NCKAP1L: variants seen among roughly 807,000 people sequenced by gnomAD.
NCKAP1L encodes nck-associated protein 1-like.
NCKAP1L carries 53 observed loss-of-function variants against 139.2 expected under a neutral mutation model. The observed-to-expected ratio is 0.38, with a 90% CI of 0.31 to 0.48. The LOEUF is 0.48. Among genes scored for constraint, NCKAP1L ranks in the 20% least tolerant of loss-of-function variants. The probability of loss-of-function intolerance (pLI) is 0.98; values close to 1 mark genes in which losing one functional copy is unlikely to be tolerated. For missense variants in NCKAP1L, 1,151 were observed against 1,381.9 expected, an observed-to-expected ratio of 0.83 and a Z score of 2.65; for synonymous variants, 468 against 499.7, an observed-to-expected ratio of 0.94 and a Z score of 0.85.
chr12:54,517,536 C>G lies in NCKAP1L; in HGVS notation c.1099C>G (p.Leu367Val), dbSNP rs1488869464. Residue 367 changes from leucine to valine, a missense_variant, in exon 12 of 31, where the codon CTT (leucine) becomes GTT (valine). Physicochemically the swap from Leu to Val is conservative, Grantham distance 32 (BLOSUM62 1). Coordinates refer to ENST00000293373, the MANE Select transcript of NCKAP1L (RefSeq NM_005337.5). ...ATAGTCTCTACCCCCTCCATAGGCT[C>G]TTTTTGCTTTCATGGCCCTGTCCTT... ...DEPGLLGPKA[L>V]FAFMALSFIR... 3 of 1,613,072 alleles carry G rather than the reference C, an allele frequency of 1.9e-6. No individual in the cohort carries two copies. The highest frequency in any genetic ancestry group is 2.5e-6 in the Non-Finnish European group (3 of 1,179,030).
chr12:54,536,321 C>A, intron 28 of NCKAP1L, 76 bp downstream of exon 28: 1 of 1,067,820 alleles, frequency 9.4e-7, no homozygotes, highest in Non-Finnish European at 1.4e-6. Context: ...GACAGAGATA[C>A]TGGAAAATAT....
In NCKAP1L at chr12:54,506,796, A is replaced by AAAAAAATATATAT; in HGVS notation, c.307-1056_307-1055insAAAAATATATATA. Among the ~76,000 whole-genome samples, 272 of 50,594 alleles carry AAAAAAATATATAT rather than the reference A, an allele frequency of 5.4e-3. 5 individuals carry two copies. The highest frequency in any genetic ancestry group is 7.1e-3 in the South Asian group (6 of 848). The allele number at this position is 50,594 out of a possible 152,430, so 33.2% of individuals were successfully genotyped here. A position where few individuals can be genotyped will look rare whatever the true frequency, so the allele number is the denominator to read the frequency against. ...TTTTGGCAACATATTAAAAAAAAAA[A>AAAAAAATATATAT]ATATATATATATATATATATATATA... On this transcript the variant is annotated intron_variant, in intron 3 of 30. Transcript: ENST00000293373.
intron 4 of NCKAP1L, 46 bp downstream of exon 4, chr12:54,507,955 GC>G: frequency 6.4e-7 from 1 of 1,573,296 alleles, no homozygotes; most frequent in Non-Finnish European, 8.8e-7. Flanking sequence ...CAAAGAAAAG[GC>G]CAGGTCTAGG....
chr12:54,499,392 T>C lies in NCKAP1L; in HGVS notation c.140T>C (p.Leu47Pro), dbSNP rs1316713443. 1 of 1,612,152 alleles carries C rather than the reference T, an allele frequency of 6.2e-7. No homozygotes were observed. ...SDPKSKPPFL[L>P]EKSMEPSLKY... ...CCCAAATCTAAGCCACCTTTCTTAC[T>C]GGAAAAGTCCATGGAACCATCTCTC... Residue 47 changes from leucine to proline, a missense_variant, in exon 2 of 31, where the codon CTG (leucine) becomes CCG (proline). Leu to Pro is a moderately conservative substitution (Grantham distance 98). Coordinates refer to ENST00000293373, the MANE Select transcript of NCKAP1L (RefSeq NM_005337.5).
Position 54,536,149 on chromosome 12 carries a change from G to T in NCKAP1L, c.2977G>T (p.Glu993Ter). Reference sequence around the variant, plus strand: ...ACCAGATACTTCATCTCCTGAGGAGGAATATAAGGTGGCCTGCCTGCTCTT... The same window carrying T: ...ACCAGATACTTCATCTCCTGAGGAGTAATATAAGGTGGCCTGCCTGCTCTT... ...LKADTSSPEE[E>*]YKVACLLLIF... Residue 993 changes from glutamate (E) to a stop codon, truncating the protein, a stop_gained, in exon 28 of 31, where the codon GAA (glutamate) becomes TAA (stop). Transcript: ENST00000293373. LOFTEE classifies it high-confidence loss of function. The T allele has an allele frequency of 6.2e-7, 1 of 1,613,020 alleles. No homozygotes were observed. The highest frequency in any genetic ancestry group is 8.5e-7 in the Non-Finnish European group (1 of 1,179,280).
rs1957189350 is a variant in NCKAP1L at position 54,545,254 on chromosome 12, T to C, written c.*2569T>C. 6.6e-6 allele frequency: 1 copy of C among 152,228 alleles called. No homozygotes were observed. Among genetic ancestry groups the C allele is most frequent in the Admixed American group, 6.5e-5 (1 of 15,280 alleles). 9.4% of individuals were successfully genotyped at this position (152,228 alleles called of 1,614,324 possible). The stretch of plus-strand genomic sequence containing the variant: ...TTTTCAAAGTGCTTTCACATCCTTA[T>C]AGCAATTCTGCAAGGTAGCCAGGGA... On this transcript the variant is annotated 3_prime_UTR_variant, in exon 31 of 31. Transcript: ENST00000293373.
At chr12:54,507,735 CTG>C (rs1956854180) in intron 3 of NCKAP1L, 116 bp from the exon 4 acceptor site, 1 of 893,578 alleles carries the variant, frequency 1.1e-6, no homozygotes, top group African/African-American at 1.7e-5. Flanking sequence ...TGACTTTTCT[CTG>C]TTACTTGGTG....
chr12:54,511,489 C>T (rs1366294522), intron 7 of NCKAP1L, among the ~76,000 whole-genome samples: 5 of 152,238 alleles, frequency 3.3e-5, no homozygotes, highest in Non-Finnish European at 7.3e-5. Flanking sequence ...TCACTGCAGC[C>T]TTGACCTCTT....
intron 20 of NCKAP1L, 123 bp from the exon 21 acceptor site, chr12:54,526,405 A>G: frequency 1.4e-6 from 1 of 726,588 alleles, no homozygotes; most frequent in Non-Finnish European, 2.3e-6. Flanking sequence ...TATGAGGTTT[A>G]CATGAGATAA....
chr12:54,532,146 T>C (rs1957077757), intron 25 of NCKAP1L, 24 bp from the exon 26 acceptor site: 4 of 1,567,110 alleles, frequency 2.6e-6, no homozygotes, highest in Admixed American at 1.7e-5. Context: ...TCTTGTGGAC[T>C]CATTTATCTT....
rs988065863 is a variant in NCKAP1L at position 54,548,169 on chromosome 12, A to G, written c.*5484A>G. 3.9e-5 allele frequency: 6 copies of G among 152,194 alleles called. No homozygotes were observed. Among genetic ancestry groups the G allele is most frequent in the Non-Finnish European group, 8.8e-5 (6 of 68,056 alleles). 9.4% of individuals were successfully genotyped at this position (152,194 alleles called of 1,614,324 possible). A position where few individuals can be genotyped will look rare whatever the true frequency, so the allele number is the denominator to read the frequency against. On this transcript the variant is annotated 3_prime_UTR_variant, in exon 31 of 31. Coordinates refer to ENST00000293373, the MANE Select transcript of NCKAP1L (RefSeq NM_005337.5). Reference sequence around the variant, plus strand: ...TCCACTCAGTATTTAGAACAGAGTAAATACCTTCTCCTGATCACTCCTCCT... The same window carrying G: ...TCCACTCAGTATTTAGAACAGAGTAGATACCTTCTCCTGATCACTCCTCCT...
chr12:54,511,804 T>C lies in NCKAP1L; in HGVS notation c.737T>C (p.Met246Thr), dbSNP rs777154700. ...AMINPANSDT[M>T]ACEYLSVEVM... ...TCATCTTTGCTTCTCTTCTCACAGA[T>C]GGCCTGTGAGTATCTGTCTGTGGAA... The change falls in exon 8 of 31, where the codon ATG becomes ACG. Residue 246 changes from methionine (M) to threonine (T), a missense_variant and splice_region_variant. Transcript: ENST00000293373. The C allele has an allele frequency of 6.2e-7, 1 of 1,614,060 alleles. No individual in the cohort carries two copies. The highest frequency in any genetic ancestry group is 8.5e-7 in the Non-Finnish European group (1 of 1,179,934).
At chr12:54,517,758 T>C in intron 12 of NCKAP1L, 48 bp from the exon 13 acceptor site, 3 of 1,610,030 alleles carry the variant, frequency 1.9e-6, no homozygotes, top group Non-Finnish European at 2.6e-6. Flanking sequence ...TTGTCTCAGT[T>C]CATATTTCTA....
rs74091305 is a variant in NCKAP1L at position 54,512,827 on chromosome 12, T to C, written c.941+722T>C. 8.5e-3 allele frequency among the ~76,000 whole-genome samples: 1,297 copies of C among 151,916 alleles called. 18 individuals are homozygous for C. The highest frequency in any genetic ancestry group is 0.03 in the African/African-American group (1,232 of 41,408). On this transcript the variant is annotated intron_variant, in intron 9 of 30. Transcript: ENST00000293373. ...AATTGTGTGTGTGTGTGTGTGCCTGTGCATTGGGTAGAAAGGTAGGGGAGT... is the reference window on the plus strand; with the variant it reads ...AATTGTGTGTGTGTGTGTGTGCCTGCGCATTGGGTAGAAAGGTAGGGGAGT...
At chr12:54,507,706 T>C in intron 3 of NCKAP1L, 147 bp from the exon 4 acceptor site, 1 of 727,862 alleles carries the variant, frequency 1.4e-6, no homozygotes. Flanking sequence ...AGGAGGAACT[T>C]CCTCCCTCTT....
intron 9 of NCKAP1L, among the ~76,000 whole-genome samples, chr12:54,515,241 C>A (rs896078932): frequency 3.3e-5 from 5 of 152,110 alleles, no homozygotes; most frequent in East Asian, 1.9e-4. Context: ...CTTTCCAACA[C>A]CAAACTTCTT....
In NCKAP1L at chr12:54,513,968, ATGTGTGTGTGTG is replaced by A. The variant is rs61519403; in HGVS notation, c.941+1885_941+1896del. Among the ~76,000 whole-genome samples the A allele has an allele frequency of 4.7e-5, 7 of 148,804 alleles. No homozygotes were observed. In the South Asian group the frequency reaches 6.5e-4, roughly 14 times the overall value. On this transcript the variant is annotated intron_variant, in intron 9 of 30. Transcript: ENST00000293373. The stretch of plus-strand genomic sequence containing the variant: ...GAATAGTTTGATGTGCATCCTTCAG[ATGTGTGTGTGTG>A]TGTGTGTGTGTGTGTGTGTGTATAA...
In NCKAP1L at chr12:54,520,579, C is replaced by G. The variant is rs1956973511; in HGVS notation, c.1626-115C>G. The G allele has an allele frequency of 2.1e-5, 21 of 1,020,716 alleles. No homozygotes were observed. The South Asian group carries it at 2.9e-4, about 14-fold the overall frequency. The allele number at this position is 1,020,716 out of a possible 1,614,324, so 63.2% of individuals were successfully genotyped here. On this transcript the variant is annotated intron_variant, in intron 16 of 30. Coordinates refer to ENST00000293373, the MANE Select transcript of NCKAP1L (RefSeq NM_005337.5). ...TGTTTTTTGAAAGAATGAATATCCT[C>G]TCCGCCTCAAAGGGACTAGCTCTTA...
chr12:54,542,548 C>T, intron 30 of NCKAP1L, 27 bp from the exon 31 acceptor site: 1 of 1,545,892 alleles, frequency 6.5e-7, no homozygotes, highest in Non-Finnish European at 8.9e-7. Flanking sequence ...ACCTGAGGTT[C>T]TCATCTCTTG....
Sources: allele counts gnomAD v4.1 joint callset (sites outside exome capture counted in the v4.1 genomes callset), GRCh38; gene constraint gnomAD v4.1.1; transcripts MANE v1.5; gene names NCBI Gene and HGNC (gene_info 2026-07-23, HGNC 2026-07-21).